CAND1: variants seen among roughly 807,000 people sequenced by gnomAD.
The protein encoded by CAND1 is cullin associated and neddylation dissociated 1, also known as cullin-associated NEDD8-dissociated protein 1.
Under a neutral mutation model 108.5 loss-of-function variants are expected in CAND1, and 7 were observed. The observed-to-expected ratio is 0.06, with a 90% CI of 0.04 to 0.12. CAND1 has a LOEUF of 0.12. CAND1 is among the 10% of genes least tolerant of loss of function. The probability of loss-of-function intolerance (pLI) is 1.00; values close to 1 mark genes in which losing one functional copy is unlikely to be tolerated. For missense variants in CAND1, 941 were observed against 1,448.7 expected (o/e 0.65, Z 5.69); for synonymous variants, 534 against 512.0 (o/e 1.04, Z -0.58).
chr12:67,272,490 A>G (rs1440492899), intron 1 of CAND1, among the ~76,000 whole-genome samples: 2 of 152,198 alleles, frequency 1.3e-5, no homozygotes, highest in African/African-American at 2.4e-5. Flanking sequence ...AAATTTGGAA[A>G]TTTCTGCATT....
Position 67,298,970 on chromosome 12 carries a change from C to T in CAND1, c.875C>T (p.Pro292Leu), listed in dbSNP as rs2044796153. The T allele has an allele frequency of 1.0e-5, 16 of 1,534,022 alleles. No individual in the cohort carries two copies. Among genetic ancestry groups the T allele is most frequent in the Non-Finnish European group, 1.4e-5 (16 of 1,109,822 alleles). ...TTTAGATGTCCTAAGGAAGTATATC[C>T]TCATGTTTCTACCATTATAAATATT... ...FVRRCPKEVY[P>L]HVSTIINICL... is the part of the protein sequence containing the mutation. Residue 292 changes from proline (P) to leucine (L), a missense_variant, in exon 7 of 15, where the codon CCT (proline) becomes CTT (leucine). Pro to Leu is a moderately conservative substitution (Grantham distance 98). Transcript: ENST00000545606.
In CAND1 at chr12:67,313,024, A is replaced by G. The variant is rs1225324131; in HGVS notation, c.*194A>G. ...ATTTATTTCAGAAATGTGTATTTCC[A>G]TAATCCAGAGGTTGTAAAACCACTA... On this transcript the variant is annotated 3_prime_UTR_variant, in exon 15 of 15. Coordinates refer to ENST00000545606, the MANE Select transcript of CAND1 (RefSeq NM_018448.5). 3.9e-6 allele frequency: 2 copies of G among 508,404 alleles called. No homozygotes were observed. Among genetic ancestry groups the G allele is most frequent in the South Asian group, 2.9e-5 (1 of 34,484 alleles). 31.5% of individuals were successfully genotyped at this position (508,404 alleles called of 1,614,324 possible).
At chr12:67,309,120 C>G (rs2136020918) in intron 11 of CAND1, among the ~76,000 whole-genome samples, 1 of 152,006 alleles carries the variant, frequency 6.6e-6, no homozygotes, top group South Asian at 2.1e-4. Flanking sequence ...GTTTATAATC[C>G]TCATTTTATT....
rs1329215407 is a variant in CAND1 at position 67,317,960 on chromosome 12, T to G, written c.*5130T>G. On this transcript the variant is annotated 3_prime_UTR_variant, in exon 15 of 15. Transcript: ENST00000545606. ...GATGGCATCCCATTTACCCAGTCAT[T>G]CAAACTGGAAATCTAAAAGCCTCAC... is the stretch of plus-strand genomic sequence containing the variant. 6.6e-6 allele frequency: 1 copy of G among 152,208 alleles called. No homozygotes were observed. The highest frequency in any genetic ancestry group is 1.5e-5 in the Non-Finnish European group (1 of 68,058). The allele number at this position is 152,208 out of a possible 1,614,324, so 9.4% of individuals were successfully genotyped here.
intron 1 of CAND1, among the ~76,000 whole-genome samples, chr12:67,280,309 A>G (rs150754847): frequency 6.6e-5 from 10 of 152,334 alleles, no homozygotes; most frequent in African/African-American, 2.2e-4. Context: ...CGTACTAGTT[A>G]TTGGAATTAT....
At chr12:67,308,337 A>T (rs576725036) in intron 11 of CAND1, among the ~76,000 whole-genome samples, 1 of 152,112 alleles carries the variant, frequency 6.6e-6, no homozygotes, top group Non-Finnish European at 1.5e-5. Flanking sequence ...AATGGGTTCT[A>T]TTGCTAGGGC....
At chr12:67,287,454 A>G (rs1310353065) in intron 2 of CAND1, among the ~76,000 whole-genome samples, 1 of 152,178 alleles carries the variant, frequency 6.6e-6, no homozygotes, top group Non-Finnish European at 1.5e-5. Flanking sequence ...GTGTATTAAC[A>G]ATACTTAGTC....
Position 67,282,073 on chromosome 12 carries a change from T to C in CAND1, c.212+20T>C, listed in dbSNP as rs1297040842. On this transcript the variant is annotated intron_variant, in intron 2 of 14. Transcript: ENST00000545606. ...CAAATGGTAAGTTGTTTTTTACTGG[T>C]TGAGTCTTTCTTCCTGCTCCCCCAA... The C allele has an allele frequency of 2.5e-6, 4 of 1,610,580 alleles. No individual in the cohort carries two copies. The highest frequency in any genetic ancestry group is 3.4e-6 in the Non-Finnish European group (4 of 1,178,668).
chr12:67,296,952 C>A (rs2044775647), intron 4 of CAND1, among the ~76,000 whole-genome samples: 2 of 151,998 alleles, frequency 1.3e-5, no homozygotes, highest in South Asian at 4.2e-4. Context: ...CATGCACCAC[C>A]ACACGCAGCT....
Position 67,272,035 on chromosome 12 carries a change from C to T in CAND1, c.68+2250C>T, listed in dbSNP as rs529228018. ...TTGCTCTTTTTTAAAAAAATGATGCCTTGTTCTCATTAGAAGTTTATTTAT... is the reference window on the plus strand; with the variant it reads ...TTGCTCTTTTTTAAAAAAATGATGCTTTGTTCTCATTAGAAGTTTATTTAT... On this transcript the variant is annotated intron_variant, in intron 1 of 14. Coordinates refer to ENST00000545606, the MANE Select transcript of CAND1 (RefSeq NM_018448.5). 2.6e-5 allele frequency among the ~76,000 whole-genome samples: 4 copies of T among 152,028 alleles called. No individual in the cohort carries two copies. The East Asian group carries it at 7.7e-4, about 29-fold the overall frequency.
At chr12:67,300,126 T>C (rs981476058) in intron 7 of CAND1, among the ~76,000 whole-genome samples, 4 of 151,630 alleles carry the variant, frequency 2.6e-5, no homozygotes, top group African/African-American at 9.8e-5. Flanking sequence ...ATCGTATTAC[T>C]CAGTCTCGGC....
At chr12:67,282,083 C>G in intron 2 of CAND1, 30 bp downstream of exon 2, 1 of 1,608,726 alleles carries the variant, frequency 6.2e-7, no homozygotes, top group Non-Finnish European at 8.5e-7. Flanking sequence ...TTGAGTCTTT[C>G]TTCCTGCTCC....
rs558957257 is a variant in CAND1, at chr12:67,276,185, A to G, written c.69-5725A>G. 5.3e-5 allele frequency among the ~76,000 whole-genome samples: 8 copies of G among 152,212 alleles called. No individual in the cohort carries two copies. In the East Asian group the frequency reaches 1.4e-3, roughly 26 times the overall value. On this transcript the variant is annotated intron_variant, in intron 1 of 14. Coordinates refer to ENST00000545606, the MANE Select transcript of CAND1 (RefSeq NM_018448.5). ...ATCATTGCCTCCCTCACTAATTTCC[A>G]TTGACTACAAGATAAACTCCAGATT...
chr12:67,300,912 G>A (rs1051513632), intron 7 of CAND1, among the ~76,000 whole-genome samples: 3 of 152,008 alleles, frequency 2.0e-5, no homozygotes, highest in Admixed American at 6.6e-5. Flanking sequence ...TAACAAACTA[G>A]GTACTTCACC....
chr12:67,277,316 GTTGATGAGTT>G (rs1463519570), intron 1 of CAND1, among the ~76,000 whole-genome samples: 6 of 152,142 alleles, frequency 3.9e-5, no homozygotes, highest in Admixed American at 3.3e-4. Context: ...ATTTTAATCA[GTTGATGAGTT>G]TGTAACCTCG....
chr12:67,298,138 T>C (rs575230364), intron 6 of CAND1, among the ~76,000 whole-genome samples: 1 of 152,330 alleles, frequency 6.6e-6, no homozygotes, highest in South Asian at 2.1e-4. Context: ...TGTAATAATG[T>C]AGTCTGTACT....
rs1350889013 is a variant in CAND1, at chr12:67,318,979, T to C, written c.*6149T>C. ...GCATCACAGTCACCTGTAAGACTTA[T>C]TAAAACAGATCGCTGGGCCCTACAC... On this transcript the variant is annotated 3_prime_UTR_variant, in exon 15 of 15. Coordinates refer to ENST00000545606, the MANE Select transcript of CAND1 (RefSeq NM_018448.5). The C allele has an allele frequency of 2.0e-5, 3 of 152,300 alleles. No homozygotes were observed. The highest frequency in any genetic ancestry group is 7.2e-5 in the African/African-American group (3 of 41,572). The allele number at this position is 152,300 out of a possible 1,614,324, so 9.4% of individuals were successfully genotyped here. A position where few individuals can be genotyped will look rare whatever the true frequency, so the allele number is the denominator to read the frequency against.
rs191786606 is a variant in CAND1, at chr12:67,303,269, G to A, written c.1293+654G>A. 5.3e-4 allele frequency among the ~76,000 whole-genome samples: 80 copies of A among 152,152 alleles called. No homozygotes were observed. The Middle Eastern group carries it at 0.014, about 26-fold the overall frequency. On this transcript the variant is annotated intron_variant, in intron 8 of 14. Coordinates refer to ENST00000545606, the MANE Select transcript of CAND1 (RefSeq NM_018448.5). Reference sequence around the variant, plus strand: ...AGCCCTATGGGATGCACAAATAGTAGGTCAATTTTTATAGATTACAAAACA... The same window carrying A: ...AGCCCTATGGGATGCACAAATAGTAAGTCAATTTTTATAGATTACAAAACA...
chr12:67,299,139 A>T, intron 7 of CAND1, 44 bp downstream of exon 7: 1 of 1,466,392 alleles, frequency 6.8e-7, no homozygotes, highest in Non-Finnish European at 9.1e-7. Context: ...TGTGAAAGAC[A>T]CTTATAGATG....
Sources: allele counts gnomAD v4.1 joint callset (sites outside exome capture counted in the v4.1 genomes callset), GRCh38; gene constraint gnomAD v4.1.1; transcripts MANE v1.5; gene names NCBI Gene and HGNC (gene_info 2026-07-23, HGNC 2026-07-21).